Variants in MAP4K5 observed in about 807,000 individuals in gnomAD.
MAP4K5 encodes the protein mitogen-activated protein kinase kinase kinase kinase 5.
MAP4K5 carries 82 observed loss-of-function variants against 135.6 expected under a neutral mutation model. The observed-to-expected ratio is 0.60, with a 90% CI of 0.51 to 0.73. The LOEUF (loss-of-function observed/expected upper bound fraction) is 0.73, where lower values mean the gene tolerates loss of function less well. Ranked by LOEUF, MAP4K5 falls within the 30% of genes least tolerant of loss-of-function variation. The pLI is 0.00. For missense variants in MAP4K5, 907 were observed against 1,010.9 expected (o/e 0.90, Z 1.39); for synonymous variants, 347 against 335.0 (o/e 1.04, Z -0.39).
intron 11 of MAP4K5, among the ~76,000 whole-genome samples, chr14:50,464,897 T>C (rs889223257): frequency 6.6e-6 from 1 of 152,182 alleles, no homozygotes; most frequent in Non-Finnish European, 1.5e-5. Context: ...GGTTCTCCAA[T>C]GGTAATAACT....
chr14:50,548,128 G>A (rs1462142778), intron 1 of MAP4K5, among the ~76,000 whole-genome samples: 1 of 152,150 alleles, frequency 6.6e-6, no homozygotes, highest in Non-Finnish European at 1.5e-5. Flanking sequence ...AAATTCCTGG[G>A]AGTTACCTGG....
intron 16 of MAP4K5, among the ~76,000 whole-genome samples, 178 bp from the exon 17 acceptor site, chr14:50,446,299 T>G (rs1284453484): frequency 6.6e-6 from 1 of 152,216 alleles, no homozygotes; most frequent in Non-Finnish European, 1.5e-5. Context: ...TCAAATTGTA[T>G]GTCTATAAAA....
chr14:50,453,981 G>T (rs1438154004), intron 14 of MAP4K5, among the ~76,000 whole-genome samples: 2 of 152,080 alleles, frequency 1.3e-5, no homozygotes, highest in Non-Finnish European at 2.9e-5. Flanking sequence ...AAAATACACT[G>T]TAAAAATGCT....
chr14:50,554,562 C>T (rs1323623221), intron 1 of MAP4K5, among the ~76,000 whole-genome samples: 1 of 152,164 alleles, frequency 6.6e-6, no homozygotes, highest in African/African-American at 2.4e-5. Flanking sequence ...ATGGGGAAGG[C>T]GGGGCAGTGA....
At chr14:50,521,907 T>C (rs2038160657) in intron 2 of MAP4K5, among the ~76,000 whole-genome samples, 1 of 152,118 alleles carries the variant, frequency 6.6e-6, no homozygotes. Context: ...ATACAAATAC[T>C]CAAAATAGTC....
chr14:50,541,279 TC>T (rs1032875746), intron 2 of MAP4K5, among the ~76,000 whole-genome samples: 11 of 152,210 alleles, frequency 7.2e-5, no homozygotes, highest in African/African-American at 9.6e-5. Context: ...ATCATGGTAG[TC>T]TTTTATCTTG....
chr14:50,538,290 C>A (rs766295480), intron 2 of MAP4K5, among the ~76,000 whole-genome samples: 3 of 152,186 alleles, frequency 2.0e-5, no homozygotes, highest in Non-Finnish European at 4.4e-5. Context: ...GCTTTCCCTG[C>A]CACATAGAAC....
At chr14:50,440,285 A>G (rs1213649105) in intron 22 of MAP4K5, 77 bp downstream of exon 22, 2 of 999,268 alleles carry the variant, frequency 2.0e-6, no homozygotes, top group Non-Finnish European at 3.0e-6. Flanking sequence ...TGGGGCCTAC[A>G]CAGATTGATT....
intron 2 of MAP4K5, among the ~76,000 whole-genome samples, chr14:50,520,506 A>C (rs2038126907): frequency 6.6e-6 from 1 of 152,186 alleles, no homozygotes; most frequent in African/African-American, 2.4e-5. Context: ...GTCTCAAAAA[A>C]AGACAAAGCT....
At chr14:50,544,864 G>A (rs2038608815) in intron 1 of MAP4K5, among the ~76,000 whole-genome samples, 1 of 150,128 alleles carries the variant, frequency 6.7e-6, no homozygotes, top group Non-Finnish European at 1.5e-5. Flanking sequence ...ATGAGCCTGG[G>A]AGATGGATGC....
chr14:50,547,278 C>G (rs997632737), intron 1 of MAP4K5, among the ~76,000 whole-genome samples: 2 of 151,822 alleles, frequency 1.3e-5, no homozygotes, highest in African/African-American at 4.8e-5. Context: ...AATTTAAAAT[C>G]TTAAAATTAT....
At chr14:50,438,216 A>C (rs2139685509) in intron 23 of MAP4K5, 122 bp from the exon 24 acceptor site, 1 of 537,868 alleles carries the variant, frequency 1.9e-6, no homozygotes, top group East Asian at 3.6e-5. Flanking sequence ...TTAACAGATA[A>C]TTTTAATTCA....
intron 2 of MAP4K5, among the ~76,000 whole-genome samples, chr14:50,538,579 C>A (rs2038522463): frequency 6.6e-6 from 1 of 152,192 alleles, no homozygotes; most frequent in Non-Finnish European, 1.5e-5. Flanking sequence ...CAGGTATGTT[C>A]AAAAGGGTGC....
At chr14:50,559,797 C>T (rs2038812035) in intron 1 of MAP4K5, 1 of 159,648 alleles carries the variant, frequency 6.3e-6, no homozygotes. Flanking sequence ...GCTACTTTGG[C>T]TATATAAATG....
intron 30 of MAP4K5, among the ~76,000 whole-genome samples, chr14:50,427,098 T>C (rs1429488758): frequency 6.6e-6 from 1 of 152,214 alleles, no homozygotes; most frequent in Non-Finnish European, 1.5e-5. Context: ...GGCATTTTTT[T>C]TTCCCCAGGA....
At chr14:50,423,918 G>A (rs1436708231) in intron 31 of MAP4K5, among the ~76,000 whole-genome samples, 1 of 152,174 alleles carries the variant, frequency 6.6e-6, no homozygotes, top group Non-Finnish European at 1.5e-5. Context: ...CTACAAATGA[G>A]TCAATTCTGA....
intron 23 of MAP4K5, among the ~76,000 whole-genome samples, chr14:50,439,011 A>C (rs1004057679): frequency 5.3e-5 from 8 of 152,014 alleles, no homozygotes; most frequent in African/African-American, 1.9e-4. Context: ...CTTTATTTTC[A>C]TAACAGTAAT....
At position 50,464,004 on chromosome 14, in the gene MAP4K5, G is replaced by T. The variant is rs776914576; in HGVS notation, c.819+48C>A. The T allele has an allele frequency of 1.3e-4, 127 of 989,162 alleles. No homozygotes were observed. The South Asian group carries it at 1.6e-3, about 12-fold the overall frequency. 61.3% of individuals were successfully genotyped at this position (989,162 alleles called of 1,614,324 possible). ...ATAAATACTTTTGTTCTACTGATAT[G>T]TCTAATTTATGACTATAGGAAGACC... On this transcript the variant is annotated intron_variant, in intron 12 of 32. Coordinates refer to ENST00000682126, the MANE Select transcript of MAP4K5 (RefSeq NM_006575.6).
chr14:50,466,516 T>C, intron 11 of MAP4K5, 67 bp downstream of exon 11: 2 of 764,138 alleles, frequency 2.6e-6, no homozygotes, highest in Non-Finnish European at 4.4e-6. Context: ...ATCTGCAAAA[T>C]ATGGGAACTG....
Sources: allele counts gnomAD v4.1 joint callset (sites outside exome capture counted in the v4.1 genomes callset), GRCh38; gene constraint gnomAD v4.1.1; transcripts MANE v1.5; gene names NCBI Gene and HGNC (gene_info 2026-07-23, HGNC 2026-07-21).